DNAJC24: variants seen among roughly 807,000 people sequenced by gnomAD.
DNAJC24 encodes the protein dnaJ homolog subfamily C member 24.
A neutral mutation model predicts 18.0 loss-of-function variants in DNAJC24; 17 were observed. The ratio of observed to expected loss-of-function variants is 0.94; its 90% CI spans 0.65 to 1.42. The LOEUF (loss-of-function observed/expected upper bound fraction) is 1.42, where lower values mean the gene tolerates loss of function less well. Among genes scored for constraint, DNAJC24 ranks in the 40% most tolerant of loss-of-function variants. The probability of loss-of-function intolerance (pLI) is 0.00; values close to 1 mark genes in which losing one functional copy is unlikely to be tolerated. For missense variants in DNAJC24, 158 were observed against 175.6 expected, an observed-to-expected ratio of 0.90 and a Z score of 0.57; for synonymous variants, 55 against 57.7, an observed-to-expected ratio of 0.95 and a Z score of 0.21.
intron 2 of DNAJC24, among the ~76,000 whole-genome samples, chr11:31,384,307 T>A: frequency 6.6e-6 from 1 of 152,228 alleles, no homozygotes; most frequent in East Asian, 1.9e-4. Flanking sequence ...AACTCTGTTA[T>A]TCCACTGTCC....
chr11:31,384,193 A>G (rs1952405936), intron 2 of DNAJC24, among the ~76,000 whole-genome samples: 5 of 152,202 alleles, frequency 3.3e-5, no homozygotes, highest in Admixed American at 3.3e-4. Context: ...TCAGTGGAGG[A>G]AGTCTACCTC....
At chr11:31,398,861 AG>A (rs1236818966) in intron 2 of DNAJC24, among the ~76,000 whole-genome samples, 1 of 152,212 alleles carries the variant, frequency 6.6e-6, no homozygotes, top group Non-Finnish European at 1.5e-5. Context: ...CTTATTTAGC[AG>A]GGATGACTTT....
intron 2 of DNAJC24, chr11:31,374,011 C>T: frequency 7.2e-6 from 2 of 279,388 alleles, no homozygotes; most frequent in Non-Finnish European, 7.7e-6. Context: ...TTAGAATTTT[C>T]TGCCAACACA....
intron 2 of DNAJC24, among the ~76,000 whole-genome samples, chr11:31,392,211 A>T (rs576377789): frequency 6.6e-6 from 1 of 152,280 alleles, no homozygotes; most frequent in South Asian, 2.1e-4. Context: ...ACTGCAGTCA[A>T]CAATAATTTA....
intron 2 of DNAJC24, among the ~76,000 whole-genome samples, chr11:31,405,420 G>A (rs1434608070): frequency 6.7e-6 from 1 of 148,650 alleles, no homozygotes; most frequent in Non-Finnish European, 1.5e-5. Flanking sequence ...CCATATTTAA[G>A]TCTCATAGCT....
chr11:31,415,146 A>G (rs1027262923), intron 3 of DNAJC24, 197 bp downstream of exon 3: 1 of 499,738 alleles, frequency 2.0e-6, no homozygotes, highest in African/African-American at 2.0e-5. Flanking sequence ...TAACAAAACT[A>G]CTAGGATGTG....
intron 2 of DNAJC24, among the ~76,000 whole-genome samples, chr11:31,413,700 C>G (rs1282207041): frequency 1.3e-5 from 2 of 152,174 alleles, no homozygotes; most frequent in African/African-American, 4.8e-5. Context: ...AGGATCCTCT[C>G]TAGCACAGCA....
intron 2 of DNAJC24, among the ~76,000 whole-genome samples, chr11:31,386,952 G>A (rs1952436209): frequency 6.6e-6 from 1 of 151,948 alleles, no homozygotes; most frequent in South Asian, 2.1e-4. Context: ...ATCAGTGGTA[G>A]CCAGGCAGTA....
At position 31,392,192 on chromosome 11, in the gene DNAJC24, A is replaced by C. The variant is rs1952503497; in HGVS notation, c.111+21333A>C. Reference sequence around the variant, plus strand: ...ATGAGTAAGATGTATTTGATAGCACAACAGGGTGACTGCAGTCAACAATAA... The same window carrying C: ...ATGAGTAAGATGTATTTGATAGCACCACAGGGTGACTGCAGTCAACAATAA... On this transcript the variant is annotated intron_variant, in intron 2 of 4. Coordinates refer to ENST00000465995, the MANE Select transcript of DNAJC24 (RefSeq NM_181706.5). Among the ~76,000 whole-genome samples the C allele has an allele frequency of 1.3e-5, 2 of 152,184 alleles. 1 individual carries two copies. The highest frequency in any genetic ancestry group is 1.3e-4 in the Admixed American group (2 of 15,262).
rs759274657 is a variant in DNAJC24 at position 31,426,356 on chromosome 11, G to A, written c.319+1G>A. 6.6e-7 allele frequency: 1 copy of A among 1,513,242 alleles called. No homozygotes were observed. The highest frequency in any genetic ancestry group is 1.3e-5 in the South Asian group (1 of 78,822). 93.7% of individuals were successfully genotyped at this position (1,513,242 alleles called of 1,614,324 possible). ...CTTGAAGAAATGTCTTGGAATGAAGGTTGGATTTTTTTTTTCTCTTGACAA... is the reference window on the plus strand; with the variant it reads ...CTTGAAGAAATGTCTTGGAATGAAGATTGGATTTTTTTTTTCTCTTGACAA... On this transcript the variant is annotated splice_donor_variant, in intron 4 of 4. Transcript: ENST00000465995. LOFTEE classifies it high-confidence loss of function.
At chr11:31,383,356 C>T (rs1045206611) in intron 2 of DNAJC24, among the ~76,000 whole-genome samples, 8 of 152,078 alleles carry the variant, frequency 5.3e-5, no homozygotes, top group African/African-American at 1.9e-4. Flanking sequence ...CTAGTCATTC[C>T]ATTAGCATAC....
rs1392783598 is a variant in DNAJC24 at position 31,421,974 on chromosome 11, T to C, written c.251-4313T>C. On this transcript the variant is annotated intron_variant, in intron 3 of 4. Transcript: ENST00000465995. ...CTTTTAATCTCTTTGAATTGCAGGC[T>C]CATAAACCTCTCTGATGAGTCCTGC... 3 of 446,344 alleles carry C rather than the reference T, an allele frequency of 6.7e-6. No homozygotes were observed. The East Asian group carries it at 2.1e-4, about 32-fold the overall frequency. 27.6% of individuals were successfully genotyped at this position (446,344 alleles called of 1,614,324 possible). A position where few individuals can be genotyped will look rare whatever the true frequency, so the allele number is the denominator to read the frequency against.
chr11:31,392,206 A>G (rs1229683468), intron 2 of DNAJC24, among the ~76,000 whole-genome samples: 1 of 152,190 alleles, frequency 6.6e-6, no homozygotes. Flanking sequence ...GGGTGACTGC[A>G]GTCAACAATA....
intron 2 of DNAJC24, among the ~76,000 whole-genome samples, chr11:31,387,313 G>A (rs1175952760): frequency 1.3e-5 from 2 of 152,168 alleles, no homozygotes; most frequent in African/African-American, 4.8e-5. Context: ...TGCGGTGGTG[G>A]CTTCAAGTCT....
chr11:31,374,130 G>A, intron 2 of DNAJC24: 3 of 393,642 alleles, frequency 7.6e-6, no homozygotes, highest in South Asian at 1.8e-5. Flanking sequence ...CTATTAAAAT[G>A]TTCAGTTGAA....
At chr11:31,380,447 G>A (rs1010358729) in intron 2 of DNAJC24, among the ~76,000 whole-genome samples, 2 of 152,104 alleles carry the variant, frequency 1.3e-5, no homozygotes, top group African/African-American at 4.8e-5. Flanking sequence ...CTTATGATTT[G>A]GCGTATGTTA....
intron 2 of DNAJC24, among the ~76,000 whole-genome samples, chr11:31,378,195 T>A (rs1352235420): frequency 6.8e-6 from 1 of 147,422 alleles, no homozygotes; most frequent in African/African-American, 2.7e-5. Context: ...AGAGAAATTT[T>A]GTGAAAAAAA....
chr11:31,402,771 A>C (rs1025595643), intron 2 of DNAJC24, among the ~76,000 whole-genome samples: 2 of 152,154 alleles, frequency 1.3e-5, no homozygotes, highest in Non-Finnish European at 2.9e-5. Context: ...TAGCTTCCCA[A>C]AGTGCTGGGA....
chr11:31,370,648 G>A, intron 1 of DNAJC24, 68 bp from the exon 2 acceptor site: 1 of 634,606 alleles, frequency 1.6e-6, no homozygotes, highest in Non-Finnish European at 2.7e-6. Context: ...AATTTACAAG[G>A]GCAGTACTTA....
Sources: gnomAD v4.1 joint callset for allele counts (sites outside exome capture counted in the v4.1 genomes callset) on GRCh38, gnomAD v4.1.1 for gene constraint, MANE v1.5 for transcripts, NCBI Gene and HGNC (gene_info 2026-07-23, HGNC 2026-07-21) for gene names.